The following CEMIP variants were observed in gnomAD, a reference collection of about 807,000 sequenced individuals.
The protein encoded by CEMIP is cell migration-inducing and hyaluronan-binding protein.
CEMIP carries 105 observed loss-of-function variants against 156.9 expected under a neutral mutation model. The ratio of observed to expected loss-of-function variants is 0.67; its 90% CI spans 0.57 to 0.79. The LOEUF (loss-of-function observed/expected upper bound fraction) is 0.79, where lower values mean the gene tolerates loss of function less well. CEMIP is among the 30% of genes least tolerant of loss of function. The probability of loss-of-function intolerance (pLI) is 0.00; values close to 1 mark genes in which losing one functional copy is unlikely to be tolerated. For synonymous variants in CEMIP, 676 were observed against 668.4 expected (o/e 1.01, Z -0.17); for missense variants, 1,457 against 1,769.4 (o/e 0.82, Z 3.17).
chr15:80,898,752 C>T (rs1460185377), intron 12 of CEMIP, among the ~76,000 whole-genome samples: 2 of 152,184 alleles, frequency 1.3e-5, no homozygotes, highest in Non-Finnish European at 2.9e-5. Context: ...CATAGGCCTG[C>T]AGCTATTTCT....
chr15:80,835,103 GAA>G (rs1275228049), intron 1 of CEMIP, among the ~76,000 whole-genome samples: 2 of 148,634 alleles, frequency 1.3e-5, no homozygotes, highest in Admixed American at 1.4e-4. Context: ...GAGAGAGAGA[GAA>G]AGAGACAGAG....
In CEMIP at chr15:80,880,967, G is replaced by A. The variant is rs778020593; in HGVS notation, c.448G>A (p.Ala150Thr). 1.7e-5 allele frequency: 27 copies of A among 1,614,082 alleles called. No homozygotes were observed. Among genetic ancestry groups the A allele is most frequent in the African/African-American group, 4.0e-5 (3 of 74,944 alleles). The change falls in exon 6 of 30, where the codon GCT becomes ACT. Residue 150 changes from alanine to threonine, a missense_variant. Transcript: ENST00000394685. ...LKYIGVGKGGALELHGQKKLS... is the reference protein window; with the variant it reads ...LKYIGVGKGGTLELHGQKKLS... Reference sequence around the variant, plus strand: ...GTACATTGGGGTTGGTAAAGGAGGCGCTCTTGAGTTGCATGGACAGAAAAA... The same window carrying A: ...GTACATTGGGGTTGGTAAAGGAGGCACTCTTGAGTTGCATGGACAGAAAAA...
intron 28 of CEMIP, among the ~76,000 whole-genome samples, chr15:80,944,753 G>A (rs1401391302): frequency 6.6e-6 from 1 of 152,194 alleles, no homozygotes; most frequent in Non-Finnish European, 1.5e-5. Flanking sequence ...TTATCCTCTA[G>A]AGATCATGAC....
chr15:80,836,292 C>G (rs1897268979), intron 1 of CEMIP, among the ~76,000 whole-genome samples: 1 of 152,166 alleles, frequency 6.6e-6, no homozygotes, highest in Non-Finnish European at 1.5e-5. Flanking sequence ...TTTTTCAGGA[C>G]TGGTGCTATT....
At chr15:80,834,675 A>G (rs531521543) in intron 1 of CEMIP, among the ~76,000 whole-genome samples, 3 of 152,346 alleles carry the variant, frequency 2.0e-5, no homozygotes, top group Non-Finnish European at 2.9e-5. Flanking sequence ...ACTTAGCTTT[A>G]GCATATGTCT....
At chr15:80,872,965 A>G (rs944389536) in intron 1 of CEMIP, among the ~76,000 whole-genome samples, 1 of 152,192 alleles carries the variant, frequency 6.6e-6, no homozygotes, top group Non-Finnish European at 1.5e-5. Flanking sequence ...CATGGCTCCT[A>G]CTATATGGCC....
At chr15:80,781,476 C>T (rs1025548098) in intron 1 of CEMIP, among the ~76,000 whole-genome samples, 1 of 152,180 alleles carries the variant, frequency 6.6e-6, no homozygotes, top group East Asian at 1.9e-4. Flanking sequence ...TTAATCTGTG[C>T]ACCAAATTAA....
intron 1 of CEMIP, among the ~76,000 whole-genome samples, chr15:80,869,033 G>A (rs147932589): frequency 4.6e-5 from 7 of 152,294 alleles, no homozygotes; most frequent in African/African-American, 9.6e-5. Context: ...GTCTGAGATC[G>A]AGGTGTCAGG....
At chr15:80,779,980 G>A (rs2141547266) in intron 1 of CEMIP, among the ~76,000 whole-genome samples, 1 of 152,198 alleles carries the variant, frequency 6.6e-6, no homozygotes, top group Non-Finnish European at 1.5e-5. Flanking sequence ...GCCCGGGAGA[G>A]TGTCTCGCCG....
rs1899814116 is a variant in CEMIP, at chr15:80,906,591, C to T, written c.1412-72C>T. Reference sequence around the variant, plus strand: ...TGAGTAAGCAGCAGCCATGGAGGCACCTGGCAGGGGCCCAGAACTCAGTGG... The same window carrying T: ...TGAGTAAGCAGCAGCCATGGAGGCATCTGGCAGGGGCCCAGAACTCAGTGG... On this transcript the variant is annotated intron_variant, in intron 12 of 29. Transcript: ENST00000394685. The surrounding 1 kb of genome is among the most constrained non-coding windows in gnomAD (Gnocchi z 4.3). The T allele has an allele frequency of 6.7e-7, 1 of 1,495,596 alleles. No individual in the cohort carries two copies. The allele number at this position is 1,495,596 out of a possible 1,614,324, so 92.6% of individuals were successfully genotyped here. A position where few individuals can be genotyped will look rare whatever the true frequency, so the allele number is the denominator to read the frequency against.
At chr15:80,873,751 C>T (rs1898372364) in intron 2 of CEMIP, 55 bp downstream of exon 2, 2 of 748,708 alleles carry the variant, frequency 2.7e-6, no homozygotes, top group Admixed American at 2.0e-5. Flanking sequence ...TCTGTCACTG[C>T]CTGTCCCGTG....
At chr15:80,864,185 T>TGCC (rs1898060406) in intron 1 of CEMIP, among the ~76,000 whole-genome samples, 2 of 152,206 alleles carry the variant, frequency 1.3e-5, no homozygotes, top group African/African-American at 4.8e-5. Context: ...TTGGTGCATC[T>TGCC]GCCACACTTC....
At chr15:80,810,730 A>G (rs1296408477) in intron 1 of CEMIP, among the ~76,000 whole-genome samples, 1 of 151,966 alleles carries the variant, frequency 6.6e-6, no homozygotes, top group Non-Finnish European at 1.5e-5. Context: ...CTCCTTGTCT[A>G]TTCACCTATC....
Position 80,925,320 on chromosome 15 carries a change from G to A in CEMIP, c.2289-304G>A, listed in dbSNP as rs148836334. Among the ~76,000 whole-genome samples, 61 of 152,298 alleles carry A rather than the reference G, an allele frequency of 4.0e-4. 1 individual carries two copies. In the East Asian group the frequency reaches 9.7e-3, roughly 24 times the overall value. ...TCTCCAGACTCTTCTCCTGGGCTACGAGGACTGTGTTGCATGACTTTGTGG... is the reference window on the plus strand; with the variant it reads ...TCTCCAGACTCTTCTCCTGGGCTACAAGGACTGTGTTGCATGACTTTGTGG... On this transcript the variant is annotated intron_variant, in intron 18 of 29. Coordinates refer to ENST00000394685, the MANE Select transcript of CEMIP (RefSeq NM_001293298.2).
At chr15:80,939,028 G>A (rs979139117) in intron 25 of CEMIP, among the ~76,000 whole-genome samples, 3 of 152,092 alleles carry the variant, frequency 2.0e-5, no homozygotes, top group African/African-American at 7.2e-5. Flanking sequence ...AAAATGTTGG[G>A]ATGGGAGGGC....
chr15:80,787,529 T>TGG (rs987864281), intron 1 of CEMIP, among the ~76,000 whole-genome samples: 1 of 152,226 alleles, frequency 6.6e-6, no homozygotes, highest in Non-Finnish European at 1.5e-5. Context: ...GCCCCCTGTC[T>TGG]GGAGGCCTTT....
intron 6 of CEMIP, among the ~76,000 whole-genome samples, chr15:80,882,095 C>T (rs776724733): frequency 1.3e-5 from 2 of 152,130 alleles, no homozygotes; most frequent in Admixed American, 6.5e-5. Context: ...AAGAACAGGG[C>T]CCGAGCTGTG....
At chr15:80,838,237 C>T (rs1897309237) in intron 1 of CEMIP, among the ~76,000 whole-genome samples, 1 of 152,198 alleles carries the variant, frequency 6.6e-6, no homozygotes, top group Admixed American at 6.5e-5. Context: ...CCACACCCAG[C>T]TGGCTGGAGC....
At chr15:80,815,671 T>G (rs1461456931) in intron 1 of CEMIP, among the ~76,000 whole-genome samples, 2 of 152,160 alleles carry the variant, frequency 1.3e-5, no homozygotes, top group African/African-American at 4.8e-5. Context: ...TATCCTCTCA[T>G]TAAATAGTCT....
Sources: allele counts gnomAD v4.1 joint callset (sites outside exome capture counted in the v4.1 genomes callset), GRCh38; gene constraint gnomAD v4.1.1; non-coding constraint Gnocchi (gnomAD v3.1); transcripts MANE v1.5; gene names NCBI Gene and HGNC (gene_info 2026-07-23, HGNC 2026-07-21).